RYR2: variants seen among roughly 807,000 people sequenced by gnomAD.
RYR2 encodes the protein ryanodine receptor 2, also known as cardiac muscle ryanodine receptor-calcium release channel.
Under a neutral mutation model 601.1 loss-of-function variants are expected in RYR2, and 227 were observed. The ratio of observed to expected loss-of-function variants is 0.38; its 90% CI spans 0.34 to 0.42. The LOEUF is 0.42. Among genes scored for constraint, RYR2 ranks in the 10% least tolerant of loss-of-function variants. The pLI is 1.00. For missense variants in RYR2, 4,646 were observed against 6,156.5 expected, an observed-to-expected ratio of 0.75 and a Z score of 8.21; for synonymous variants, 2,223 against 2,175.1, an observed-to-expected ratio of 1.02 and a Z score of -0.61.
At chr1:237,464,471 G>T (rs2150273921) in intron 16 of RYR2, among the ~76,000 whole-genome samples, 1 of 151,902 alleles carries the variant, frequency 6.6e-6, no homozygotes, top group African/African-American at 2.4e-5. Flanking sequence ...TCATATTACA[G>T]GACATGGCCC....
chr1:237,720,532 T>C lies in RYR2; in HGVS notation c.10554+2011T>C, dbSNP rs1435932132. Among the ~76,000 whole-genome samples the C allele has an allele frequency of 3.3e-5, 5 of 152,340 alleles. No homozygotes were observed. The South Asian group carries it at 8.3e-4, about 25-fold the overall frequency. ...CAGATAGCCAGAAGAATTTGAACATTTTTTTAAAAGTTTATAAAGCCTCTA... is the reference window on the plus strand; with the variant it reads ...CAGATAGCCAGAAGAATTTGAACATCTTTTTAAAAGTTTATAAAGCCTCTA... On this transcript the variant is annotated intron_variant, in intron 73 of 104. Transcript: ENST00000366574.
At chr1:237,623,291 G>A (rs1267750106) in intron 38 of RYR2, among the ~76,000 whole-genome samples, 1 of 151,528 alleles carries the variant, frequency 6.6e-6, no homozygotes, top group Non-Finnish European at 1.5e-5. Context: ...GACACCTGTG[G>A]AGGAATAATT....
chr1:237,506,892 C>T (rs928531672), intron 23 of RYR2, 78 bp downstream of exon 23: 146 of 1,162,520 alleles, frequency 1.3e-4, no homozygotes, highest in East Asian at 6.8e-4. Context: ...CCTTTTCCCG[C>T]TATGGGGTGA....
chr1:237,272,966 A>C (rs1325950062), intron 2 of RYR2, among the ~76,000 whole-genome samples: 1 of 152,220 alleles, frequency 6.6e-6, no homozygotes, highest in African/African-American at 2.4e-5. Context: ...AAACCTTTGA[A>C]AATCCAAAGG....
chr1:237,104,325 G>A (rs1013269134), intron 1 of RYR2, among the ~76,000 whole-genome samples: 37 of 152,060 alleles, frequency 2.4e-4, no homozygotes, highest in African/African-American at 8.2e-4. Context: ...TGCCAAGGAC[G>A]TTTCCTTTGT....
At chr1:237,684,177 C>A (rs1215263719) in intron 62 of RYR2, among the ~76,000 whole-genome samples, 1 of 151,846 alleles carries the variant, frequency 6.6e-6, no homozygotes, top group African/African-American at 2.4e-5. Flanking sequence ...CTCAGGTGAT[C>A]CGCCCACTTC....
At chr1:237,609,984 GA>G (rs1440805473) in intron 35 of RYR2, among the ~76,000 whole-genome samples, 1 of 152,134 alleles carries the variant, frequency 6.6e-6, no homozygotes, top group African/African-American at 2.4e-5. Context: ...GTTTGAGGAT[GA>G]AGTAGTCTAC....
At chr1:237,190,188 C>A (rs1679819722) in intron 1 of RYR2, among the ~76,000 whole-genome samples, 1 of 152,156 alleles carries the variant, frequency 6.6e-6, no homozygotes, top group African/African-American at 2.4e-5. Flanking sequence ...CGTGCCCAGC[C>A]ATACTGTTTT....
rs1334543716 is a variant in RYR2, at chr1:237,244,752, G to A, written c.49-25745G>A. Among the ~76,000 whole-genome samples the A allele has an allele frequency of 6.6e-5, 10 of 152,012 alleles. No individual in the cohort carries two copies. The East Asian group carries it at 1.9e-3, about 29-fold the overall frequency. ...CTCCTCTCCTAAACTCCTCCTGTAT[G>A]TCTGTGTCCTGAATTTTCTTGGCGC... On this transcript the variant is annotated intron_variant, in intron 1 of 104. Coordinates refer to ENST00000366574, the MANE Select transcript of RYR2 (RefSeq NM_001035.3).
chr1:237,632,999 G>C (rs1285934636), intron 42 of RYR2, among the ~76,000 whole-genome samples: 1 of 152,116 alleles, frequency 6.6e-6, no homozygotes, highest in Non-Finnish European at 1.5e-5. Context: ...TCTCAAGGAA[G>C]ATGTGTTTGG....
chr1:237,514,696 A>C (rs1485877030), intron 24 of RYR2, among the ~76,000 whole-genome samples: 1 of 152,156 alleles, frequency 6.6e-6, no homozygotes, highest in Non-Finnish European at 1.5e-5. Context: ...GAGTTGGGTC[A>C]TCTGGACTTA....
intron 2 of RYR2, among the ~76,000 whole-genome samples, chr1:237,325,913 A>G (rs1274037037): frequency 1.3e-5 from 2 of 151,764 alleles, no homozygotes; most frequent in African/African-American, 4.8e-5. Context: ...GCCGAGGGAG[A>G]AAAAAATATA....
intron 30 of RYR2, 126 bp downstream of exon 30, chr1:237,590,127 A>G: frequency 1.2e-6 from 1 of 850,742 alleles, no homozygotes. Flanking sequence ...TGTGTTATAT[A>G]GTAGTGGAAT....
At chr1:237,244,309 G>C (rs530858519) in intron 1 of RYR2, among the ~76,000 whole-genome samples, 2 of 152,144 alleles carry the variant, frequency 1.3e-5, no homozygotes, top group Admixed American at 6.6e-5. Flanking sequence ...TGATACGGGA[G>C]TTCAGAAGAA....
chr1:237,760,928 A>G, intron 83 of RYR2, 27 bp from the exon 84 acceptor site: 1 of 1,450,688 alleles, frequency 6.9e-7, no homozygotes, highest in Non-Finnish European at 9.5e-7. Context: ...AGTCCTCTAA[A>G]TGTTTTTTTT....
At chr1:237,193,484 T>G (rs1468238283) in intron 1 of RYR2, among the ~76,000 whole-genome samples, 1 of 152,080 alleles carries the variant, frequency 6.6e-6, no homozygotes, top group African/African-American at 2.4e-5. Flanking sequence ...ATATCTTGAA[T>G]GCTTTTGAGT....
At chr1:237,663,466 G>A (rs1683997506) in intron 56 of RYR2, among the ~76,000 whole-genome samples, 1 of 152,104 alleles carries the variant, frequency 6.6e-6, no homozygotes, top group Admixed American at 6.6e-5. Flanking sequence ...ACTCCCTCAG[G>A]GACACACAAG....
At chr1:237,432,682 C>T (rs1253981314) in intron 12 of RYR2, among the ~76,000 whole-genome samples, 1 of 152,138 alleles carries the variant, frequency 6.6e-6, no homozygotes, top group Non-Finnish European at 1.5e-5. Flanking sequence ...ACAACAATGC[C>T]TGACATCCAA....
At chr1:237,086,864 T>A (rs1024962640) in intron 1 of RYR2, among the ~76,000 whole-genome samples, 6 of 152,190 alleles carry the variant, frequency 3.9e-5, no homozygotes, top group Non-Finnish European at 2.9e-5. Flanking sequence ...GTCAAACTTA[T>A]GCTTTTAAAT....
Sources: allele counts gnomAD v4.1 joint callset (sites outside exome capture counted in the v4.1 genomes callset), GRCh38; gene constraint gnomAD v4.1.1; transcripts MANE v1.5; gene names NCBI Gene and HGNC (gene_info 2026-07-23, HGNC 2026-07-21).